The following PCSK6 variants were observed in gnomAD, a reference collection of about 807,000 sequenced individuals.
PCSK6 encodes paired basic amino acid cleaving enzyme 4.
In PCSK6, 85 loss-of-function variants were observed where a neutral mutation model predicts 123.3. The ratio of observed to expected loss-of-function variants is 0.69; its 90% CI spans 0.58 to 0.83. The LOEUF is 0.83. Among genes scored for constraint, PCSK6 ranks in the 40% least tolerant of loss-of-function variants. The pLI, the probability that PCSK6 is intolerant of heterozygous loss-of-function variation, is 0.00. For synonymous variants in PCSK6, 508 were observed against 516.0 expected, an observed-to-expected ratio of 0.98 and a Z score of 0.21; for missense variants, 1,191 against 1,282.3, an observed-to-expected ratio of 0.93 and a Z score of 1.09.
At chr15:101,420,664 A>G (rs1004102651) in intron 6 of PCSK6, among the ~76,000 whole-genome samples, 58 of 152,352 alleles carry the variant, frequency 3.8e-4, no homozygotes, top group African/African-American at 1.3e-3. Flanking sequence ...TGCCCAGCCC[A>G]TAAAAACTTT....
chr15:101,432,123 T>C, intron 2 of PCSK6, 23 bp from the exon 3 acceptor site: 1 of 1,572,242 alleles, frequency 6.4e-7, no homozygotes, highest in Non-Finnish European at 8.7e-7. Context: ...ATGCAATTAC[T>C]GTTTATATTA....
chr15:101,488,320 G>A (rs1273537660), intron 1 of PCSK6, among the ~76,000 whole-genome samples: 3 of 152,144 alleles, frequency 2.0e-5, no homozygotes, highest in Non-Finnish European at 4.4e-5. Flanking sequence ...TCAAAATAAC[G>A]GCCTCTCCAG....
intron 1 of PCSK6, among the ~76,000 whole-genome samples, chr15:101,486,413 G>C (rs1007889365): frequency 6.6e-6 from 1 of 152,250 alleles, no homozygotes; most frequent in Admixed American, 6.5e-5. Flanking sequence ...GCAGGTGGCT[G>C]TTGCTGATCA....
At chr15:101,367,812 G>C (rs368670221) in intron 12 of PCSK6, among the ~76,000 whole-genome samples, 178 of 152,218 alleles carry the variant, frequency 1.2e-3, no homozygotes, top group African/African-American at 4.0e-3. Flanking sequence ...GTAGCCTCAG[G>C]GTAGTTTTTG....
intron 9 of PCSK6, among the ~76,000 whole-genome samples, chr15:101,385,403 C>T (rs2042031417): frequency 6.6e-6 from 1 of 152,164 alleles, no homozygotes; most frequent in Non-Finnish European, 1.5e-5. Context: ...CCCACAGCAA[C>T]CAGGAACGGG....
chr15:101,454,819 C>T (rs891168518), intron 1 of PCSK6, among the ~76,000 whole-genome samples: 3 of 152,134 alleles, frequency 2.0e-5, no homozygotes, highest in Middle Eastern at 3.4e-3. Flanking sequence ...GTGGCGTGCA[C>T]CTGTAATCCC....
At chr15:101,342,728 C>A (rs565515805) in intron 13 of PCSK6, among the ~76,000 whole-genome samples, 1 of 152,206 alleles carries the variant, frequency 6.6e-6, no homozygotes, top group African/African-American at 2.4e-5. Flanking sequence ...ATGGCAAAAC[C>A]CTGTCTCTGC....
intron 13 of PCSK6, among the ~76,000 whole-genome samples, chr15:101,346,109 A>C (rs972111453): frequency 2.0e-5 from 3 of 152,260 alleles, no homozygotes; most frequent in African/African-American, 7.2e-5. Flanking sequence ...ACTACAAATC[A>C]GTTCAACTAT....
At chr15:101,332,080 GTCAC>G in intron 13 of PCSK6, 49 bp from the exon 14 acceptor site, 1 of 1,508,132 alleles carries the variant, frequency 6.6e-7, no homozygotes, top group South Asian at 1.3e-5. Flanking sequence ...CAAGACCTCT[GTCAC>G]TCACAGAAAT....
intron 6 of PCSK6, among the ~76,000 whole-genome samples, chr15:101,427,173 G>A (rs1036643733): frequency 6.6e-6 from 1 of 152,228 alleles, no homozygotes; most frequent in South Asian, 2.1e-4. Flanking sequence ...TGAGCAGTGT[G>A]AGAAGCTAAA....
At chr15:101,403,341 C>T (rs557843847) in intron 6 of PCSK6, among the ~76,000 whole-genome samples, 2 of 150,006 alleles carry the variant, frequency 1.3e-5, no homozygotes, top group South Asian at 4.2e-4. Context: ...TTAATGGGTG[C>T]AGCACACCAG....
Position 101,392,593 on chromosome 15 carries a change from C to CTTTTTTTTTTTTTTTTTTTTTTTTT in PCSK6, c.1209+618_1209+619insAAAAAAAAAAAAAAAAAAAAAAAAA, listed in dbSNP as rs10525638. 8.2e-5 allele frequency among the ~76,000 whole-genome samples: 10 copies of CTTTTTTTTTTTTTTTTTTTTTTTTT among 122,338 alleles called. 1 individual carries two copies. The highest frequency in any genetic ancestry group is 3.3e-4 in the African/African-American group (10 of 30,430). 80.3% of individuals were successfully genotyped at this position (122,338 alleles called of 152,430 possible). Reference sequence around the variant, plus strand: ...TTTGAACTGGAAACCCTCCCTTCCTCTTTTTTTTTTTTTTTTTAAGTAGGA... The same window carrying CTTTTTTTTTTTTTTTTTTTTTTTTT: ...TTTGAACTGGAAACCCTCCCTTCCTCTTTTTTTTTTTTTTTTTTTTTTTTTTTTTTTTTTTTTTTTTTAAGTAGGA... On this transcript the variant is annotated intron_variant, in intron 8 of 21. Coordinates refer to ENST00000611716, the MANE Select transcript of PCSK6 (RefSeq NM_002570.5).
intron 13 of PCSK6, among the ~76,000 whole-genome samples, chr15:101,355,063 T>C (rs1237160103): frequency 2.0e-5 from 3 of 152,218 alleles, no homozygotes; most frequent in East Asian, 1.9e-4. Context: ...CTTTCCTAGA[T>C]TGGTGGGAAT....
intron 6 of PCSK6, among the ~76,000 whole-genome samples, chr15:101,418,950 A>C (rs2055986315): frequency 6.6e-6 from 1 of 152,240 alleles, no homozygotes; most frequent in African/African-American, 2.4e-5. Flanking sequence ...GAAATCTAGG[A>C]ATATAATAAA....
At chr15:101,394,911 G>A (rs762236149) in intron 7 of PCSK6, among the ~76,000 whole-genome samples, 7 of 152,188 alleles carry the variant, frequency 4.6e-5, no homozygotes, top group Admixed American at 1.3e-4. Flanking sequence ...TGAACCTGTC[G>A]GGGTGGCCAA....
At chr15:101,366,542 T>C (rs1328044790) in intron 12 of PCSK6, among the ~76,000 whole-genome samples, 1 of 152,088 alleles carries the variant, frequency 6.6e-6, no homozygotes, top group Admixed American at 6.5e-5. Flanking sequence ...CTCTCCTCCA[T>C]CACCTCCTTG....
chr15:101,339,801 T>G (rs2040557832), intron 13 of PCSK6, among the ~76,000 whole-genome samples: 1 of 152,004 alleles, frequency 6.6e-6, no homozygotes, highest in African/African-American at 2.4e-5. Flanking sequence ...GTCCTATCCA[T>G]TCAGGAGGCT....
intron 1 of PCSK6, among the ~76,000 whole-genome samples, chr15:101,484,396 T>C (rs556994387): frequency 1.3e-3 from 196 of 152,362 alleles, no homozygotes; most frequent in African/African-American, 4.4e-3. Flanking sequence ...TTTTTGTTTT[T>C]GTTTTGAGAC....
intron 11 of PCSK6, among the ~76,000 whole-genome samples, chr15:101,380,585 T>A (rs1339011688): frequency 6.6e-6 from 1 of 152,236 alleles, no homozygotes; most frequent in Non-Finnish European, 1.5e-5. Flanking sequence ...GGCCGACCTG[T>A]CGGGGCCTGC....
Sources: allele counts gnomAD v4.1 joint callset (sites outside exome capture counted in the v4.1 genomes callset), GRCh38; gene constraint gnomAD v4.1.1; transcripts MANE v1.5; gene names NCBI Gene and HGNC (gene_info 2026-07-23, HGNC 2026-07-21).